The following GLYAT variants were observed in gnomAD, a reference collection of about 807,000 sequenced individuals.
The protein encoded by GLYAT is glycine-N-acyltransferase.
Under a neutral mutation model 22.8 loss-of-function variants are expected in GLYAT, and 25 were observed. The ratio of observed to expected loss-of-function variants is 1.09; its 90% confidence interval spans 0.80 to 1.53. The LOEUF (loss-of-function observed/expected upper bound fraction) is 1.53, where lower values mean the gene tolerates loss of function less well. GLYAT is among the 40% of genes most tolerant of loss of function. The pLI, the probability that GLYAT is intolerant of heterozygous loss-of-function variation, is 0.00. For missense variants in GLYAT, 411 were observed against 353.9 expected (o/e 1.16, Z -1.29); for synonymous variants, 140 against 122.7 (o/e 1.14, Z -0.93).
chr11:58,717,387 G>A (rs1425036358), intron 2 of GLYAT, among the ~76,000 whole-genome samples: 2 of 151,922 alleles, frequency 1.3e-5, no homozygotes, highest in Non-Finnish European at 2.9e-5. Context: ...ATAGATATAG[G>A]CCACATTATT....
chr11:58,723,053 G>A (rs180910740), intron 2 of GLYAT, among the ~76,000 whole-genome samples: 9 of 151,934 alleles, frequency 5.9e-5, no homozygotes, highest in Admixed American at 1.3e-4. Context: ...GGAATCCTTG[G>A]GAAACACCTA....
chr11:58,718,649 C>T (rs1222658268), intron 2 of GLYAT, among the ~76,000 whole-genome samples: 1 of 151,698 alleles, frequency 6.6e-6, no homozygotes, highest in Non-Finnish European at 1.5e-5. Context: ...CAGCCATAGT[C>T]AAAAGACACA....
intron 1 of GLYAT, among the ~76,000 whole-genome samples, chr11:58,725,649 T>C (rs1856803866): frequency 6.6e-6 from 1 of 152,138 alleles, no homozygotes. Context: ...AGGCAAGTTT[T>C]GGGGTAGCAG....
At chr11:58,730,725 C>T (rs1856863309) in intron 1 of GLYAT, among the ~76,000 whole-genome samples, 1 of 152,142 alleles carries the variant, frequency 6.6e-6, no homozygotes, top group South Asian at 2.1e-4. Context: ...GAGTTATGTT[C>T]ATACCACTGC....
chr11:58,721,844 G>C (rs996760297), intron 2 of GLYAT, among the ~76,000 whole-genome samples: 1 of 151,578 alleles, frequency 6.6e-6, no homozygotes, highest in Non-Finnish European at 1.5e-5. Context: ...TCCCACATCA[G>C]AGGTCTTGTT....
rs1856572952 is a variant in GLYAT at position 58,708,843 on chromosome 11, G to C, written c.*923C>G. ...GTTATTTATGAATTACCCAGTCTCA[G>C]GTATTTTGTTACAGCAGGAACAAAC... On this transcript the variant is annotated 3_prime_UTR_variant, in exon 6 of 6. Transcript: ENST00000344743. 1 of 152,146 alleles carries C rather than the reference G, an allele frequency of 6.6e-6. No individual in the cohort carries two copies. The highest frequency in any genetic ancestry group is 2.1e-4 in the South Asian group (1 of 4,828). 9.4% of individuals were successfully genotyped at this position (152,146 alleles called of 1,614,324 possible).
intron 1 of GLYAT, chr11:58,728,600 A>G (rs1448916870): frequency 6.6e-6 from 1 of 152,074 alleles, no homozygotes; most frequent in African/African-American, 2.4e-5. Flanking sequence ...TGCAGAAAGA[A>G]CTATGATCTC....
intron 1 of GLYAT, among the ~76,000 whole-genome samples, chr11:58,730,664 G>A (rs1856862633): frequency 6.6e-6 from 1 of 152,062 alleles, no homozygotes; most frequent in African/African-American, 2.4e-5. Flanking sequence ...CAGTTCCAGT[G>A]GAATCTAACC....
rs1407753012 is a variant in GLYAT, at chr11:58,709,962, C to T, written c.695G>A (p.Gly232Asp). Residue 232 changes from glycine (G) to aspartate (D), a missense_variant, in exon 6 of 6, where the codon GGC becomes GAC. Gly to Asp is a moderately conservative substitution (Grantham distance 94). Transcript: ENST00000344743. ...ATGGAGCCGGTATTCCGGCAAGGTG[C>T]CTGCCATTCTCATCTCTCCAGTCTG... ...MDQTGEMRMA[G>D]TLPEYRLHGL... is the part of the protein sequence containing the mutation. 7 of 1,613,956 alleles carry T rather than the reference C, an allele frequency of 4.3e-6. No individual in the cohort carries two copies. Among genetic ancestry groups the T allele is most frequent in the South Asian group, 2.2e-5 (2 of 91,088 alleles).
intron 1 of GLYAT, among the ~76,000 whole-genome samples, chr11:58,724,855 T>C (rs1018890380): frequency 6.6e-6 from 1 of 152,154 alleles, no homozygotes; most frequent in South Asian, 2.1e-4. Flanking sequence ...GGGAAAGTTA[T>C]TTAGTCTCTC....
chr11:58,730,479 C>A (rs749532917), intron 1 of GLYAT, among the ~76,000 whole-genome samples: 10 of 152,192 alleles, frequency 6.6e-5, no homozygotes, highest in Non-Finnish European at 1.5e-4. Context: ...TCATTCAGAT[C>A]TTTCCCACTA....
intron 1 of GLYAT, among the ~76,000 whole-genome samples, chr11:58,730,943 T>C (rs1242502731): frequency 6.6e-6 from 1 of 152,092 alleles, no homozygotes; most frequent in Non-Finnish European, 1.5e-5. Flanking sequence ...ATAATATGTA[T>C]AGACACATGG....
rs1024665924 is a variant in GLYAT, at chr11:58,709,742, A to G, written c.*24T>C. 6.3e-7 allele frequency: 1 copy of G among 1,585,798 alleles called. No homozygotes were observed. The highest frequency in any genetic ancestry group is 1.2e-5 in the South Asian group (1 of 86,610). Reference sequence around the variant, plus strand: ...AATTATACGCCCAGACCTGCCCAACACTGTCTTATGTTCAGGATTGGCATC... The same window carrying G: ...AATTATACGCCCAGACCTGCCCAACGCTGTCTTATGTTCAGGATTGGCATC... On this transcript the variant is annotated 3_prime_UTR_variant, in exon 6 of 6. Coordinates refer to ENST00000344743, the MANE Select transcript of GLYAT (RefSeq NM_201648.3).
chr11:58,731,072 T>G (rs1439244527), intron 1 of GLYAT, among the ~76,000 whole-genome samples: 1 of 152,194 alleles, frequency 6.6e-6, no homozygotes, highest in Non-Finnish European at 1.5e-5. Context: ...ATGGTGGTAG[T>G]ACTGTTGTAG....
Position 58,710,159 on chromosome 11 carries a change from C to G in GLYAT, c.498G>C (p.Glu166Asp). 1 of 1,611,388 alleles carries G rather than the reference C, an allele frequency of 6.2e-7. No homozygotes were observed. ...CATCCATGGATGAGAGTTTAAACATCTCTTGGTTGCTATGGAGGGTCCAAG... is the reference window on the plus strand; with the variant it reads ...CATCCATGGATGAGAGTTTAAACATGTCTTGGTTGCTATGGAGGGTCCAAG... ...NGGKPKAINQ[E>D]MFKLSSMDVT... The change falls in exon 6 of 6, where the codon GAG becomes GAC. Residue 166 changes from glutamate (E) to aspartate (D), a missense_variant. Glu to Asp is a conservative substitution (Grantham distance 45). Transcript: ENST00000344743.
chr11:58,730,564 A>G (rs1856861845), intron 1 of GLYAT, among the ~76,000 whole-genome samples: 3 of 152,204 alleles, frequency 2.0e-5, no homozygotes, highest in African/African-American at 4.8e-5. Context: ...ACAGTCTCAC[A>G]GAGTGAGTTT....
intron 2 of GLYAT, among the ~76,000 whole-genome samples, chr11:58,716,658 A>G (rs956402226): frequency 6.6e-6 from 1 of 152,096 alleles, no homozygotes; most frequent in Non-Finnish European, 1.5e-5. Flanking sequence ...GTTGTGGCCT[A>G]ATTTATTAAA....
chr11:58,724,586 T>C, intron 1 of GLYAT, 75 bp from the exon 2 acceptor site: 1 of 657,128 alleles, frequency 1.5e-6, no homozygotes, highest in Middle Eastern at 2.6e-4. Flanking sequence ...AGCAAGTTCT[T>C]TATTAATGAC....
chr11:58,712,836 G>GGA lies in GLYAT; in HGVS notation c.238_239dup (p.Lys81ProfsTer32), dbSNP rs1353666833. 31 of 1,608,344 alleles carry GGA rather than the reference G, an allele frequency of 1.9e-5. No individual in the cohort carries two copies. The highest frequency in any genetic ancestry group is 2.6e-5 in the Non-Finnish European group (31 of 1,174,894). ...ATTCCTGACAGTTTTGGGGATCTTTGGAGTAGATTTGGTAAGTATTGGTAT... is the reference window on the plus strand; with the variant it reads ...ATTCCTGACAGTTTTGGGGATCTTTGGAGAGTAGATTTGGTAAGTATTGGTAT... On this transcript the variant is annotated frameshift_variant, in exon 4 of 6. Transcript: ENST00000344743. LOFTEE classifies it high-confidence loss of function.
Sources: allele counts gnomAD v4.1 joint callset (sites outside exome capture counted in the v4.1 genomes callset), GRCh38; gene constraint gnomAD v4.1.1; transcripts MANE v1.5; gene names NCBI Gene and HGNC (gene_info 2026-07-23, HGNC 2026-07-21).